LSMEM1: variants seen among roughly 807,000 people sequenced by gnomAD.
The protein encoded by LSMEM1 is leucine-rich single-pass membrane protein 1.
A neutral mutation model predicts 11.3 loss-of-function variants in LSMEM1; 10 were observed. The observed-to-expected ratio is 0.89, with a 90% confidence interval of 0.55 to 1.50. The LOEUF is 1.50. Among genes scored for constraint, LSMEM1 ranks in the 40% most tolerant of loss-of-function variants. The pLI is 0.00. For missense variants in LSMEM1, 151 were observed against 152.9 expected (o/e 0.99, Z 0.06); for synonymous variants, 65 against 59.3 (o/e 1.10, Z -0.44).
upstream of LSMEM1, chr7:112,480,901 A>G (rs1054257451): frequency 4.4e-6 from 2 of 456,060 alleles, no homozygotes; most frequent in East Asian, 6.9e-5. Context: ...CTGCTACAGG[A>G]TATTTATATA....
Position 112,487,005 on chromosome 7 carries a change from G to A in LSMEM1, c.210G>A (p.Val70=). ...RSLFFVGLLI[V]LIVSLALVFF... is the part of the protein sequence containing the mutation. ...TGTTTTTTGTGGGGCTGCTAATTGT[G>A]CTGATTGTCAGCCTGGCACTGGTTT... The change falls in exon 3 of 4, where the codon GTG becomes GTA. Residue 70 remains valine, a synonymous_variant. Coordinates refer to ENST00000312849, the MANE Select transcript of LSMEM1 (RefSeq NM_182597.3). The A allele has an allele frequency of 6.2e-7, 1 of 1,614,140 alleles. No homozygotes were observed. Among genetic ancestry groups the A allele is most frequent in the African/African-American group, 1.3e-5 (1 of 75,040 alleles).
At chr7:112,487,734 T>C (rs1007970400) in intron 3 of LSMEM1, among the ~76,000 whole-genome samples, 1 of 152,190 alleles carries the variant, frequency 6.6e-6, no homozygotes, top group Non-Finnish European at 1.5e-5. Flanking sequence ...GTGGGAGGGG[T>C]GCTGTCCACC....
intron 3 of LSMEM1, among the ~76,000 whole-genome samples, chr7:112,488,851 C>T (rs1490298786): frequency 6.6e-6 from 1 of 152,172 alleles, no homozygotes; most frequent in African/African-American, 2.4e-5. Context: ...CCCGCCTTGG[C>T]CTTCCAAAGT....
intron 1 of LSMEM1, chr7:112,483,398 T>G (rs1796068589): frequency 6.6e-6 from 1 of 152,204 alleles, no homozygotes; most frequent in Admixed American, 6.5e-5. Context: ...ATTTAAATCC[T>G]AAATAAACAT....
In LSMEM1 at chr7:112,484,879, G is replaced by A. The variant is rs1486379986; in HGVS notation, c.63G>A (p.Val21=). The A allele has an allele frequency of 3.1e-6, 5 of 1,613,596 alleles. No homozygotes were observed. In the African/African-American group the frequency reaches 6.7e-5, roughly 22 times the overall value. Residue 21 remains valine (V), a synonymous_variant, in exon 2 of 4, where the codon GTG becomes GTA. Coordinates refer to ENST00000312849, the MANE Select transcript of LSMEM1 (RefSeq NM_182597.3). ...CGIQEDGKLY[V]VDSINDLNKL... ...TTCAGGAAGATGGAAAGCTTTATGT[G>A]GTGGATTCCATAAATGACTTAAACA...
At chr7:112,480,981 C>T (rs574111315), upstream of LSMEM1, 79 of 436,142 alleles carry the variant, frequency 1.8e-4, no homozygotes, top group African/African-American at 1.1e-3. Context: ...CAGATAAGGA[C>T]GGTAACTTCA....
At chr7:112,489,162 T>C (rs1444812291) in intron 3 of LSMEM1, among the ~76,000 whole-genome samples, 1 of 152,202 alleles carries the variant, frequency 6.6e-6, no homozygotes, top group Non-Finnish European at 1.5e-5. Context: ...AGAAGAGTGT[T>C]TTTTTACTGG....
intron 3 of LSMEM1, among the ~76,000 whole-genome samples, chr7:112,489,195 ATTAAGT>A (rs1481152595): frequency 6.6e-6 from 1 of 152,236 alleles, no homozygotes; most frequent in Non-Finnish European, 1.5e-5. Flanking sequence ...TGTTAGATAC[ATTAAGT>A]TTATTATCTT....
intron 3 of LSMEM1, among the ~76,000 whole-genome samples, chr7:112,488,473 T>A (rs112748831): frequency 2.0e-5 from 3 of 152,174 alleles, no homozygotes; most frequent in African/African-American, 7.2e-5. Flanking sequence ...GTAGCAAGAT[T>A]GAGGGAAATA....
intron 2 of LSMEM1, chr7:112,486,280 T>G (rs148169181): frequency 4.7e-4 from 176 of 374,204 alleles, no homozygotes; most frequent in East Asian, 3.8e-4. Flanking sequence ...TAATAGAACT[T>G]CTATCACTCT....
intron 1 of LSMEM1, among the ~76,000 whole-genome samples, chr7:112,484,485 G>A (rs1796090394): frequency 6.6e-6 from 1 of 152,158 alleles, no homozygotes; most frequent in South Asian, 2.1e-4. Flanking sequence ...CAGATCCAGG[G>A]AAAATATAGG....
rs975235661 is a variant in LSMEM1 at position 112,481,178 on chromosome 7, G to T, written c.-174G>T. The T allele has an allele frequency of 4.7e-6, 1 of 212,544 alleles. No individual in the cohort carries two copies. Among genetic ancestry groups the T allele is most frequent in the Admixed American group, 5.7e-5 (1 of 17,684 alleles). The allele number at this position is 212,544 out of a possible 1,614,324, so 13.2% of individuals were successfully genotyped here. On this transcript the variant is annotated 5_prime_UTR_variant, in exon 1 of 4. Coordinates refer to ENST00000312849, the MANE Select transcript of LSMEM1 (RefSeq NM_182597.3). ...AATATAGACCAACAGTTTCATCCTG[G>T]GGCTTATGGGTCTCATAGGAGCACC...
chr7:112,488,168 G>A (rs1796173393), intron 3 of LSMEM1, among the ~76,000 whole-genome samples: 1 of 152,142 alleles, frequency 6.6e-6, no homozygotes, highest in Non-Finnish European at 1.5e-5. Flanking sequence ...TGCTTCTCTT[G>A]CACCGGGCTG....
chr7:112,482,689 G>A (rs1796053519), intron 1 of LSMEM1, among the ~76,000 whole-genome samples: 1 of 152,160 alleles, frequency 6.6e-6, no homozygotes, highest in Non-Finnish European at 1.5e-5. Context: ...TGAATATTTT[G>A]GGGCCTTGGT....
chr7:112,485,459 T>C (rs1274787519), intron 2 of LSMEM1, among the ~76,000 whole-genome samples: 1 of 152,186 alleles, frequency 6.6e-6, no homozygotes. Flanking sequence ...TCCTAAATAT[T>C]ATAAATGAGC....
At position 112,490,853 on chromosome 7, in the gene LSMEM1, T is replaced by C. The variant is rs541535472; in HGVS notation, c.*904T>C. On this transcript the variant is annotated 3_prime_UTR_variant, in exon 4 of 4. Coordinates refer to ENST00000312849, the MANE Select transcript of LSMEM1 (RefSeq NM_182597.3). ...AAAGTAAGACACACAGCATATGACA[T>C]AAGACACAGTGTGAAATAAATGAGT... The C allele has an allele frequency of 6.6e-6, 1 of 152,296 alleles. No homozygotes were observed. The highest frequency in any genetic ancestry group is 1.9e-4 in the East Asian group (1 of 5,190). 9.4% of individuals were successfully genotyped at this position (152,296 alleles called of 1,614,324 possible).
chr7:112,480,692 T>A, upstream of LSMEM1: 1 of 380,492 alleles, frequency 2.6e-6, no homozygotes. Flanking sequence ...TGAGATGGAG[T>A]GCTTCCTTCA....
chr7:112,489,471 CAAAAT>C (rs761304844), intron 3 of LSMEM1, among the ~76,000 whole-genome samples: 184 of 152,190 alleles, frequency 1.2e-3, no homozygotes, highest in Non-Finnish European at 1.8e-3. Context: ...GAATGGGTCT[CAAAAT>C]AAAGCAACAT....
chr7:112,483,629 A>G (rs1796074546), intron 1 of LSMEM1: 1 of 152,262 alleles, frequency 6.6e-6, no homozygotes, highest in African/African-American at 2.4e-5. Flanking sequence ...TTCCTAGGGG[A>G]AGTGATGTTT....
Sources: gnomAD v4.1 joint callset for allele counts (sites outside exome capture counted in the v4.1 genomes callset) on GRCh38, gnomAD v4.1.1 for gene constraint, MANE v1.5 for transcripts, NCBI Gene and HGNC (gene_info 2026-07-23, HGNC 2026-07-21) for gene names.